The following SMPD3 variants were observed in gnomAD, a reference collection of about 807,000 sequenced individuals.
SMPD3 encodes the protein nSMase-2.
In SMPD3, 21 loss-of-function variants were observed where a neutral mutation model predicts 55.7. The ratio of observed to expected loss-of-function variants is 0.38; its 90% CI spans 0.27 to 0.54. The LOEUF is 0.54. Ranked by LOEUF, SMPD3 falls within the 20% of genes least tolerant of loss-of-function variation. The probability of loss-of-function intolerance (pLI) is 0.80; values close to 1 mark genes in which losing one functional copy is unlikely to be tolerated. For synonymous variants in SMPD3, 457 were observed against 404.3 expected (o/e 1.13, Z -1.56); for missense variants, 842 against 899.6 (o/e 0.94, Z 0.82).
chr16:68,401,679 G>C (rs1597647856), intron 1 of SMPD3, among the ~76,000 whole-genome samples: 1 of 152,192 alleles, frequency 6.6e-6, no homozygotes, highest in East Asian at 1.9e-4. Flanking sequence ...GCAAGGGGAA[G>C]TTTCAGGGCA....
chr16:68,435,479 G>T (rs994185485), intron 1 of SMPD3, among the ~76,000 whole-genome samples: 2 of 71,686 alleles, frequency 2.8e-5, no homozygotes, highest in African/African-American at 6.7e-5. Context: ...AAACACTCTG[G>T]CATTTTTTTT....
chr16:68,388,417 C>T (rs1052368382), intron 1 of SMPD3, among the ~76,000 whole-genome samples: 2 of 152,196 alleles, frequency 1.3e-5, no homozygotes, highest in Non-Finnish European at 2.9e-5. Context: ...GCTGGGCTGA[C>T]CTGACCCAGG....
Position 68,447,812 on chromosome 16 carries a change from A to AG in SMPD3, c.-269+540dup, listed in dbSNP as rs1189265190. Among the ~76,000 whole-genome samples, 1 of 150,372 alleles carries AG rather than the reference A, an allele frequency of 6.7e-6. No homozygotes were observed. The highest frequency in any genetic ancestry group is 1.5e-5 in the Non-Finnish European group (1 of 67,488). On this transcript the variant is annotated intron_variant, in intron 1 of 8. Coordinates refer to ENST00000219334, the MANE Select transcript of SMPD3 (RefSeq NM_018667.4). This position sits in a 1 kb window ranked among gnomAD's most constrained non-coding sequence, Gnocchi z 5.1. ...GCCAAGGGAGGAGGGGGGAATAGGGAGGGGGGCGAGTGTGGAGGAAGGGGC... is the reference window on the plus strand; with the variant it reads ...GCCAAGGGAGGAGGGGGGAATAGGGAGGGGGGGCGAGTGTGGAGGAAGGGGC...
At chr16:68,364,558 T>G in intron 5 of SMPD3, 193 bp downstream of exon 5, 1 of 656,322 alleles carries the variant, frequency 1.5e-6, no homozygotes, top group Non-Finnish European at 2.5e-6. Context: ...TCTCCAGCTT[T>G]CTAGGCAGAG....
chr16:68,382,906 A>G (rs1950452392), intron 2 of SMPD3, among the ~76,000 whole-genome samples: 1 of 152,132 alleles, frequency 6.6e-6, no homozygotes, highest in South Asian at 2.1e-4. Flanking sequence ...CAATGGTGCA[A>G]TCTCTGCTCA....
chr16:68,396,719 C>T (rs1597643634), intron 1 of SMPD3, among the ~76,000 whole-genome samples: 1 of 152,326 alleles, frequency 6.6e-6, no homozygotes, highest in East Asian at 1.9e-4. Flanking sequence ...TCCCTTTGTA[C>T]ACACCAGGGG....
intron 3 of SMPD3, among the ~76,000 whole-genome samples, chr16:68,366,588 G>C (rs990528376): frequency 6.6e-6 from 1 of 152,370 alleles, no homozygotes; most frequent in South Asian, 2.1e-4. Flanking sequence ...ACATGAGGCT[G>C]AGCACGGTGG....
intron 1 of SMPD3, among the ~76,000 whole-genome samples, chr16:68,437,091 CTT>C (rs770159095): frequency 2.0e-5 from 3 of 152,224 alleles, no homozygotes; most frequent in Non-Finnish European, 2.9e-5. Flanking sequence ...CACTGCATCT[CTT>C]GTTCTGTTTT....
intron 1 of SMPD3, among the ~76,000 whole-genome samples, chr16:68,391,776 A>G (rs1032504262): frequency 1.1e-4 from 17 of 152,256 alleles, no homozygotes; most frequent in Admixed American, 1.0e-3. Context: ...TGTGTCCCCA[A>G]CAAATTTATA....
chr16:68,405,629 C>T (rs1005230849), intron 1 of SMPD3, among the ~76,000 whole-genome samples: 1 of 151,584 alleles, frequency 6.6e-6, no homozygotes, highest in Admixed American at 6.6e-5. Context: ...GTTCTGCCCC[C>T]ATCATGGGCC....
intron 1 of SMPD3, among the ~76,000 whole-genome samples, chr16:68,438,741 G>A (rs2090544664): frequency 6.6e-6 from 1 of 152,080 alleles, no homozygotes; most frequent in South Asian, 2.1e-4. Flanking sequence ...TTGTACCCAT[G>A]CTTGAAGACC....
intron 1 of SMPD3, among the ~76,000 whole-genome samples, chr16:68,414,816 A>T (rs1468118248): frequency 6.6e-6 from 1 of 152,230 alleles, no homozygotes; most frequent in Non-Finnish European, 1.5e-5. Flanking sequence ...CAGCAGGGCC[A>T]GGTAGGAGGT....
intron 1 of SMPD3, among the ~76,000 whole-genome samples, chr16:68,421,327 G>A (rs2090392156): frequency 6.6e-6 from 1 of 152,198 alleles, no homozygotes; most frequent in Admixed American, 6.5e-5. Context: ...GTGGGGAATG[G>A]CAGAGACTGT....
At chr16:68,373,421 G>C (rs996443183) in intron 2 of SMPD3, among the ~76,000 whole-genome samples, 4 of 152,228 alleles carry the variant, frequency 2.6e-5, no homozygotes, top group Non-Finnish European at 5.9e-5. Flanking sequence ...GGAGCCTATA[G>C]AAGCGTAACC....
At chr16:68,439,224 T>TG (rs1367057171) in intron 1 of SMPD3, among the ~76,000 whole-genome samples, 4 of 152,216 alleles carry the variant, frequency 2.6e-5, no homozygotes, top group African/African-American at 9.6e-5. Context: ...CAAGTTTGGT[T>TG]GGCATCCATA....
chr16:68,365,200 G>C, intron 3 of SMPD3, 108 bp from the exon 4 acceptor site: 1 of 1,128,352 alleles, frequency 8.9e-7, no homozygotes, highest in Non-Finnish European at 1.3e-6. Flanking sequence ...TCACAAGCCT[G>C]GCTCCTGGCT....
intron 1 of SMPD3, among the ~76,000 whole-genome samples, chr16:68,446,853 C>T (rs1266327594): frequency 8.5e-5 from 13 of 152,224 alleles, no homozygotes; most frequent in Admixed American, 8.5e-4. Flanking sequence ...CCCGAAGGGG[C>T]CCTGGTCACC....
chr16:68,362,365 G>A (rs1335519264), intron 7 of SMPD3, among the ~76,000 whole-genome samples: 1 of 152,242 alleles, frequency 6.6e-6, no homozygotes, highest in African/African-American at 2.4e-5. Context: ...TGGTGCTAGG[G>A]GATCCACAGG....
intron 1 of SMPD3, among the ~76,000 whole-genome samples, chr16:68,441,596 C>T (rs902655930): frequency 1.1e-4 from 16 of 151,890 alleles, no homozygotes; most frequent in South Asian, 4.2e-4. Context: ...ATTTTTTATA[C>T]TAATTTTTCA....
Sources: gnomAD v4.1 joint callset for allele counts (sites outside exome capture counted in the v4.1 genomes callset) on GRCh38, gnomAD v4.1.1 for gene constraint, Gnocchi (gnomAD v3.1) non-coding constraint, MANE v1.5 for transcripts, NCBI Gene and HGNC (gene_info 2026-07-23, HGNC 2026-07-21) for gene names.